The following ZBTB20 variants were observed in gnomAD, a reference collection of about 807,000 sequenced individuals.
ZBTB20 encodes the protein zinc finger and BTB domain containing 20.
A neutral mutation model predicts 56.9 loss-of-function variants in ZBTB20; 9 were observed. That is an observed-to-expected ratio of 0.16 (90% CI 0.10 to 0.28). The LOEUF (loss-of-function observed/expected upper bound fraction) is 0.28. ZBTB20 is among the 10% of genes least tolerant of loss of function. The probability of loss-of-function intolerance (pLI) is 1.00; values close to 1 mark genes in which losing one functional copy is unlikely to be tolerated. For synonymous variants in ZBTB20, 417 were observed against 420.7 expected (o/e 0.99, Z 0.11); for missense variants, 655 against 1,003.0 (o/e 0.65, Z 4.69).
chr3:114,586,909 A>T (rs2055225587), intron 6 of ZBTB20, among the ~76,000 whole-genome samples: 1 of 151,978 alleles, frequency 6.6e-6, no homozygotes, highest in South Asian at 2.1e-4. Flanking sequence ...TACTCTCTAA[A>T]CATCATTTAT....
intron 3 of ZBTB20, among the ~76,000 whole-genome samples, chr3:114,959,325 T>G (rs2077359368): frequency 6.6e-6 from 1 of 151,996 alleles, no homozygotes; most frequent in African/African-American, 2.4e-5. Context: ...AATGACAAAA[T>G]TAACAAACAT....
intron 1 of ZBTB20, among the ~76,000 whole-genome samples, chr3:115,117,831 G>A (rs1017792695): frequency 4.6e-5 from 7 of 152,006 alleles, no homozygotes. Flanking sequence ...ATAAATGCAA[G>A]GCATCACTGT....
intron 3 of ZBTB20, among the ~76,000 whole-genome samples, chr3:114,967,936 G>A (rs1430694662): frequency 1.3e-5 from 2 of 148,156 alleles, no homozygotes; most frequent in Non-Finnish European, 3.0e-5. Flanking sequence ...CAACCTAGGT[G>A]ACACAGCGAG....
At chr3:114,511,480 CAAGT>C (rs142108826) in intron 6 of ZBTB20, among the ~76,000 whole-genome samples, 5,839 of 152,182 alleles carry the variant, frequency 0.038, 229 homozygotes, top group East Asian at 0.098. Flanking sequence ...CTCATTCTTA[CAAGT>C]AAGTGTAGCA....
intron 4 of ZBTB20, among the ~76,000 whole-genome samples, chr3:114,890,558 A>C (rs1289758891): frequency 2.0e-5 from 3 of 152,132 alleles, no homozygotes; most frequent in East Asian, 3.9e-4. Context: ...CAATGAGAAC[A>C]CTTGGACACA....
chr3:114,378,711 G>A (rs2083957730), intron 10 of ZBTB20, among the ~76,000 whole-genome samples: 1 of 152,214 alleles, frequency 6.6e-6, no homozygotes, highest in South Asian at 2.1e-4. Flanking sequence ...ACAGGAACGG[G>A]CTATTTTCCT....
At chr3:114,916,239 G>C (rs2075738975) in intron 3 of ZBTB20, among the ~76,000 whole-genome samples, 1 of 151,942 alleles carries the variant, frequency 6.6e-6, no homozygotes, top group Non-Finnish European at 1.5e-5. Context: ...CTCCAGTGTT[G>C]GGTGTATATT....
intron 6 of ZBTB20, among the ~76,000 whole-genome samples, chr3:114,634,088 C>T (rs973393849): frequency 2.6e-5 from 4 of 152,064 alleles, no homozygotes; most frequent in South Asian, 2.1e-4. Context: ...CAAATGAGAT[C>T]GCACAATTTT....
chr3:114,789,589 C>T (rs908741860), intron 5 of ZBTB20, among the ~76,000 whole-genome samples: 10 of 151,894 alleles, frequency 6.6e-5, no homozygotes, highest in African/African-American at 2.2e-4. Flanking sequence ...TTTTAAAAGC[C>T]GGTTAGGGCC....
intron 6 of ZBTB20, among the ~76,000 whole-genome samples, chr3:114,675,786 G>A (rs570751846): frequency 4.6e-5 from 7 of 151,970 alleles, no homozygotes; most frequent in African/African-American, 7.3e-5. Context: ...TATTCACTTC[G>A]CTTACAATTC....
intron 4 of ZBTB20, among the ~76,000 whole-genome samples, chr3:114,868,371 C>G (rs2075856855): frequency 1.3e-5 from 2 of 152,178 alleles, no homozygotes; most frequent in Admixed American, 1.3e-4. Context: ...TACTCTTAGT[C>G]TGCCTTCATG....
chr3:114,793,557 C>G (rs1042440932), intron 5 of ZBTB20, among the ~76,000 whole-genome samples: 2 of 152,052 alleles, frequency 1.3e-5, no homozygotes, highest in African/African-American at 4.8e-5. Flanking sequence ...ACATTTATTT[C>G]CAGCCATTAT....
intron 1 of ZBTB20, among the ~76,000 whole-genome samples, chr3:115,142,757 G>A (rs2084851850): frequency 6.6e-6 from 1 of 151,964 alleles, no homozygotes; most frequent in Admixed American, 6.6e-5. Context: ...TCAGATGCTG[G>A]CAAGTCCGTA....
At chr3:114,985,357 C>T (rs191319993) in intron 2 of ZBTB20, among the ~76,000 whole-genome samples, 2 of 152,166 alleles carry the variant, frequency 1.3e-5, no homozygotes, top group African/African-American at 4.8e-5. Flanking sequence ...AATGCTCTGT[C>T]TCTCAGCATT....
intron 4 of ZBTB20, among the ~76,000 whole-genome samples, chr3:114,894,847 A>G (rs2074806134): frequency 6.6e-6 from 1 of 152,168 alleles, no homozygotes; most frequent in East Asian, 1.9e-4. Flanking sequence ...AATATTCCCA[A>G]CTAAATAAAA....
chr3:114,411,747 T>C (rs1010571182), intron 7 of ZBTB20, among the ~76,000 whole-genome samples: 4 of 152,056 alleles, frequency 2.6e-5, no homozygotes, highest in Admixed American at 6.6e-5. Context: ...TACAGAAAGA[T>C]GTAAGGTACA....
intron 10 of ZBTB20, among the ~76,000 whole-genome samples, chr3:114,366,264 T>C (rs1037901603): frequency 1.1e-4 from 16 of 152,192 alleles, no homozygotes; most frequent in African/African-American, 3.4e-4. Context: ...AACATATTTC[T>C]TGAAGGTCCA....
chr3:114,689,923 T>C (rs1043018469), intron 6 of ZBTB20, among the ~76,000 whole-genome samples: 13 of 152,104 alleles, frequency 8.5e-5, no homozygotes, highest in Non-Finnish European at 1.6e-4. Context: ...TCCGATATAG[T>C]TCTAACCTTT....
At chr3:114,973,319 T>C (rs895817598) in intron 3 of ZBTB20, among the ~76,000 whole-genome samples, 2 of 152,192 alleles carry the variant, frequency 1.3e-5, no homozygotes, top group African/African-American at 4.8e-5. Flanking sequence ...TAAAATAAAA[T>C]CCTTAAAAGG....
Sources: allele counts gnomAD v4.1 joint callset (sites outside exome capture counted in the v4.1 genomes callset), GRCh38; gene constraint gnomAD v4.1.1; transcripts MANE v1.5; gene names NCBI Gene and HGNC (gene_info 2026-07-23, HGNC 2026-07-21).